Variants in COL24A1 observed in about 807,000 individuals in gnomAD.
The protein encoded by COL24A1 is collagen alpha-1(XXIV) chain.
In COL24A1, 224 loss-of-function variants were observed where a neutral mutation model predicts 253.9. The ratio of observed to expected loss-of-function variants is 0.88; its 90% CI spans 0.79 to 0.99. The LOEUF (loss-of-function observed/expected upper bound fraction) is 0.99. COL24A1 is among the 50% of genes least tolerant of loss of function. The pLI is 0.00. For missense variants in COL24A1, 2,131 were observed against 2,068.5 expected (o/e 1.03, Z -0.59); for synonymous variants, 685 against 673.7 (o/e 1.02, Z -0.26).
intron 24 of COL24A1, 146 bp from the exon 25 acceptor site, chr1:85,911,579 T>C (rs541133808): frequency 4.2e-6 from 3 of 710,738 alleles, no homozygotes; most frequent in East Asian, 5.2e-5. Context: ...TGTATAGCTA[T>C]GCAGTCTGTG....
intron 14 of COL24A1, among the ~76,000 whole-genome samples, chr1:86,026,624 T>G (rs1698051788): frequency 6.6e-6 from 1 of 152,214 alleles, no homozygotes; most frequent in African/African-American, 2.4e-5. Context: ...TAAATCTCTT[T>G]CCTTTATAAA....
At position 86,092,559 on chromosome 1, in the gene COL24A1, A is replaced by C. The variant is rs1300234760; in HGVS notation, c.1600-239T>G. Among the ~76,000 whole-genome samples, 7 of 151,952 alleles carry C rather than the reference A, an allele frequency of 4.6e-5. No homozygotes were observed. In the East Asian group the frequency reaches 1.3e-3, roughly 29 times the overall value. On this transcript the variant is annotated intron_variant, in intron 5 of 59. Coordinates refer to ENST00000370571, the MANE Select transcript of COL24A1 (RefSeq NM_152890.7). Reference sequence around the variant, plus strand: ...ACATAGTTGATTTTTTAATCTAATAAATTTAAAGTTATACTACTATTGAAA... The same window carrying C: ...ACATAGTTGATTTTTTAATCTAATACATTTAAAGTTATACTACTATTGAAA...
intron 23 of COL24A1, 61 bp downstream of exon 23, chr1:85,964,948 T>A: frequency 7.1e-7 from 1 of 1,413,116 alleles, no homozygotes; most frequent in Non-Finnish European, 9.9e-7. Context: ...TGTATGAAAG[T>A]CATAATTTTA....
At chr1:86,061,936 C>T (rs1701119527) in intron 8 of COL24A1, among the ~76,000 whole-genome samples, 1 of 152,052 alleles carries the variant, frequency 6.6e-6, no homozygotes, top group African/African-American at 2.4e-5. Flanking sequence ...AGTTAGACTT[C>T]ATTCAGAATT....
intron 19 of COL24A1, among the ~76,000 whole-genome samples, chr1:86,000,650 T>C (rs1219663513): frequency 1.3e-5 from 2 of 152,230 alleles, no homozygotes; most frequent in African/African-American, 4.8e-5. Flanking sequence ...TGCTTTTACT[T>C]GATATAGCCA....
At chr1:85,918,456 T>C (rs1686125118) in intron 24 of COL24A1, among the ~76,000 whole-genome samples, 1 of 152,312 alleles carries the variant, frequency 6.6e-6, no homozygotes, top group South Asian at 2.1e-4. Context: ...ATTTGTCTGT[T>C]TTTCTCCCTT....
At chr1:85,980,892 G>C (rs749048360) in intron 20 of COL24A1, among the ~76,000 whole-genome samples, 3 of 152,042 alleles carry the variant, frequency 2.0e-5, no homozygotes, top group Non-Finnish European at 4.4e-5. Context: ...CTGGGTGACA[G>C]AGTGAGATTC....
At chr1:86,092,060 G>C (rs767116410) in intron 6 of COL24A1, among the ~76,000 whole-genome samples, 5 of 151,998 alleles carry the variant, frequency 3.3e-5, no homozygotes, top group Non-Finnish European at 7.4e-5. Context: ...TTTAATAAAA[G>C]TAATGTTAAG....
chr1:86,103,659 CA>C (rs1449044610), intron 5 of COL24A1, among the ~76,000 whole-genome samples: 1 of 152,172 alleles, frequency 6.6e-6, no homozygotes, highest in Non-Finnish European at 1.5e-5. Flanking sequence ...TGGCTGGATA[CA>C]AAATTCTTGG....
chr1:85,736,631 A>C lies in COL24A1; in HGVS notation c.4782+765T>G, dbSNP rs189899982. 2.9e-5 allele frequency: 11 copies of C among 384,042 alleles called. No individual in the cohort carries two copies. The East Asian group carries it at 8.0e-4, about 28-fold the overall frequency. The allele number at this position is 384,042 out of a possible 1,614,324, so 23.8% of individuals were successfully genotyped here. ...TTTTAGGAGGAGAGGGCGGTTCAAT[A>C]AGAAGCAGCTAAAGAGATTGAATTT... On this transcript the variant is annotated intron_variant, in intron 58 of 59. Coordinates refer to ENST00000370571, the MANE Select transcript of COL24A1 (RefSeq NM_152890.7).
At chr1:85,844,335 A>AC (rs1676942302) in intron 39 of COL24A1, among the ~76,000 whole-genome samples, 2 of 152,202 alleles carry the variant, frequency 1.3e-5, no homozygotes, top group Admixed American at 1.3e-4. Context: ...GAGAAAATAA[A>AC]CTCTGAAATT....
rs533279139 is a variant in COL24A1 at position 86,126,054 on chromosome 1, G to A, written c.282C>T (p.Phe94=). ...CCAAGTTGACTGGTAAAATTTTCAC[G>A]AAAGGTGTCTCGATATAAGCATCAT... is the stretch of plus-strand genomic sequence containing the variant. ...FKNDAYIETP[F]VKILPVNLGQ... is the part of the protein sequence containing the mutation. Residue 94 remains phenylalanine (F), a synonymous_variant, in exon 3 of 60, where the codon TTC becomes TTT. Coordinates refer to ENST00000370571, the MANE Select transcript of COL24A1 (RefSeq NM_152890.7). The A allele has an allele frequency of 4.0e-5, 65 of 1,613,522 alleles. No individual in the cohort carries two copies. The highest frequency in any genetic ancestry group is 3.7e-4 in the South Asian group (34 of 91,068).
At chr1:86,037,644 T>G (rs1428247737) in intron 12 of COL24A1, among the ~76,000 whole-genome samples, 1 of 152,184 alleles carries the variant, frequency 6.6e-6, no homozygotes, top group Admixed American at 6.6e-5. Flanking sequence ...TCTGACACTT[T>G]GATTGTAAAC....
intron 2 of COL24A1, among the ~76,000 whole-genome samples, chr1:86,144,958 A>C (rs754053263): frequency 6.6e-6 from 1 of 152,152 alleles, no homozygotes; most frequent in Non-Finnish European, 1.5e-5. Flanking sequence ...CTTCAAGCTA[A>C]ATGAAGTAAC....
At chr1:85,926,119 A>T (rs1296420861) in intron 24 of COL24A1, among the ~76,000 whole-genome samples, 2 of 152,234 alleles carry the variant, frequency 1.3e-5, no homozygotes, top group African/African-American at 4.8e-5. Flanking sequence ...TCAAAACCAC[A>T]ATGAGATACC....
intron 24 of COL24A1, among the ~76,000 whole-genome samples, chr1:85,941,171 T>C (rs930954225): frequency 3.5e-4 from 54 of 152,146 alleles, no homozygotes; most frequent in Admixed American, 1.4e-3. Context: ...AGAGAATATA[T>C]GCTTATATGC....
intron 20 of COL24A1, among the ~76,000 whole-genome samples, chr1:85,974,194 A>T (rs1398127117): frequency 1.3e-5 from 2 of 152,150 alleles, no homozygotes; most frequent in Admixed American, 1.3e-4. Context: ...CCACAAGAAC[A>T]GAGAAAACTT....
intron 24 of COL24A1, among the ~76,000 whole-genome samples, chr1:85,923,636 C>A (rs1202608321): frequency 2.0e-5 from 3 of 152,122 alleles, no homozygotes; most frequent in Non-Finnish European, 4.4e-5. Flanking sequence ...AACAAAGACA[C>A]AACGTACCGG....
At chr1:85,807,756 G>T (rs1672132125) in intron 47 of COL24A1, among the ~76,000 whole-genome samples, 1 of 152,168 alleles carries the variant, frequency 6.6e-6, no homozygotes, top group African/African-American at 2.4e-5. Flanking sequence ...TGTGGTCAGA[G>T]ATGTATACTA....
Sources: gnomAD v4.1 joint callset for allele counts (sites outside exome capture counted in the v4.1 genomes callset) on GRCh38, gnomAD v4.1.1 for gene constraint, MANE v1.5 for transcripts, NCBI Gene and HGNC (gene_info 2026-07-23, HGNC 2026-07-21) for gene names.